Variants in CFDP1 observed in about 807,000 individuals in gnomAD.
CFDP1 encodes chromatin remodeling protein CFDP1, also known as heterochromatin-stabilizing protein CFDP1.
CFDP1 carries 31 observed loss-of-function variants against 40.1 expected under a neutral mutation model. The observed-to-expected ratio is 0.77, with a 90% CI of 0.58 to 1.04. The LOEUF is 1.04. Among genes scored for constraint, CFDP1 ranks in the 50% least tolerant of loss-of-function variants. CFDP1 has a pLI of 0.00. For synonymous variants in CFDP1, 167 were observed against 120.0 expected (o/e 1.39, Z -2.56); for missense variants, 423 against 343.4 (o/e 1.23, Z -1.83).
chr16:75,320,170 T>C (rs899353377), intron 5 of CFDP1, among the ~76,000 whole-genome samples: 1 of 152,190 alleles, frequency 6.6e-6, no homozygotes, highest in Admixed American at 6.5e-5. Context: ...TTCAGAAATG[T>C]AGTTTGTCCT....
intron 6 of CFDP1, among the ~76,000 whole-genome samples, chr16:75,298,845 T>A (rs1282032408): frequency 1.3e-5 from 2 of 152,200 alleles, no homozygotes; most frequent in Non-Finnish European, 2.9e-5. Flanking sequence ...TGAGGAGTCA[T>A]GAAAATATAT....
chr16:75,313,135 T>G (rs2078305126), intron 5 of CFDP1, among the ~76,000 whole-genome samples: 2 of 152,192 alleles, frequency 1.3e-5, no homozygotes, highest in Non-Finnish European at 2.9e-5. Flanking sequence ...ACGTGTTGTT[T>G]GTGTTTATTA....
chr16:75,315,360 A>AAAAAAAAG (rs1263844123), intron 5 of CFDP1, among the ~76,000 whole-genome samples: 1 of 144,668 alleles, frequency 6.9e-6, no homozygotes. Context: ...AAAAAAAAAA[A>AAAAAAAAG]GAGAAGGGTT....
intron 5 of CFDP1, among the ~76,000 whole-genome samples, chr16:75,328,905 A>G (rs1156372189): frequency 1.4e-5 from 2 of 144,782 alleles, no homozygotes; most frequent in Non-Finnish European, 3.0e-5. Context: ...GGAATGCCAC[A>G]GCACAACCTT....
intron 6 of CFDP1, among the ~76,000 whole-genome samples, chr16:75,298,700 C>T (rs902061571): frequency 2.0e-5 from 3 of 152,120 alleles, no homozygotes; most frequent in African/African-American, 7.2e-5. Context: ...AATAGTACAC[C>T]TCCCGCCTTC....
intron 1 of CFDP1, among the ~76,000 whole-genome samples, chr16:75,426,891 C>T (rs960527074): frequency 9.2e-5 from 14 of 151,810 alleles, no homozygotes; most frequent in Non-Finnish European, 1.9e-4. Context: ...CCCATCTCTA[C>T]TGAAAATACA....
intron 5 of CFDP1, among the ~76,000 whole-genome samples, chr16:75,346,864 C>G (rs1262149094): frequency 1.3e-5 from 2 of 151,972 alleles, no homozygotes; most frequent in Admixed American, 6.6e-5. Flanking sequence ...GTCAACAGGA[C>G]TTGCCCACCC....
chr16:75,361,212 T>C lies in CFDP1; in HGVS notation c.650+33878A>G, dbSNP rs181684205. On this transcript the variant is annotated intron_variant, in intron 5 of 6. Transcript: ENST00000283882. Reference sequence around the variant, plus strand: ...TTTTAGTAGCGATGGGGTTTTGCCATGTTGGCCAGGCTGCTCTCGATCTTC... The same window carrying C: ...TTTTAGTAGCGATGGGGTTTTGCCACGTTGGCCAGGCTGCTCTCGATCTTC... Among the ~76,000 whole-genome samples, 119 of 152,286 alleles carry C rather than the reference T, an allele frequency of 7.8e-4. 4 individuals are homozygous for C. In the East Asian group the frequency reaches 0.021, roughly 27 times the overall value.
chr16:75,419,154 C>G (rs976874514), intron 1 of CFDP1: 3 of 312,434 alleles, frequency 9.6e-6, no homozygotes, highest in Admixed American at 3.3e-5. Context: ...GATACAAGAT[C>G]CAGCCTGAAA....
intron 1 of CFDP1, among the ~76,000 whole-genome samples, chr16:75,432,397 A>T (rs1290735679): frequency 4.6e-5 from 6 of 131,654 alleles, no homozygotes; most frequent in Non-Finnish European, 8.5e-5. Context: ...AAAAAAATTT[A>T]AAAAATTAGC....
chr16:75,405,919 CAA>C (rs113081758), intron 4 of CFDP1, among the ~76,000 whole-genome samples: 3 of 115,922 alleles, frequency 2.6e-5, no homozygotes, highest in Admixed American at 8.9e-5. Context: ...ACCCCGTCTC[CAA>C]AAAAAAAAAG....
At chr16:75,339,674 C>T (rs938490938) in intron 5 of CFDP1, among the ~76,000 whole-genome samples, 4 of 152,188 alleles carry the variant, frequency 2.6e-5, no homozygotes, top group African/African-American at 9.7e-5. Flanking sequence ...TTAGGAATTC[C>T]TCAGATTTCT....
At chr16:75,414,298 A>C (rs1277462055) in intron 2 of CFDP1, among the ~76,000 whole-genome samples, 2 of 152,222 alleles carry the variant, frequency 1.3e-5, no homozygotes, top group Non-Finnish European at 2.9e-5. Flanking sequence ...GCAAAGCAAC[A>C]AGGTCTAGGA....
rs546724752 is a variant in CFDP1 at position 75,301,536 on chromosome 16, C to CTTTTTTTTTTTTTTTTTTT, written c.809+3469_809+3487dup. 3.0e-4 allele frequency among the ~76,000 whole-genome samples: 16 copies of CTTTTTTTTTTTTTTTTTTT among 53,966 alleles called. 1 individual carries two copies. Among genetic ancestry groups the CTTTTTTTTTTTTTTTTTTT allele is most frequent in the African/African-American group, 1.1e-3 (16 of 14,506 alleles). 35.4% of individuals were successfully genotyped at this position (53,966 alleles called of 152,430 possible). A position where few individuals can be genotyped will look rare whatever the true frequency, so the allele number is the denominator to read the frequency against. ...TCTCAACATTAGAGTTTTGTTGTGT[C>CTTTTTTTTTTTTTTTTTTT]TTTTTTTTTTTTTTTTTTTTTTTTT... is the stretch of plus-strand genomic sequence containing the variant. On this transcript the variant is annotated intron_variant, in intron 6 of 6. Coordinates refer to ENST00000283882, the MANE Select transcript of CFDP1 (RefSeq NM_006324.3).
chr16:75,424,611 G>A (rs990313260), intron 1 of CFDP1, among the ~76,000 whole-genome samples: 2 of 151,958 alleles, frequency 1.3e-5, no homozygotes, highest in African/African-American at 2.4e-5. Context: ...AAAACTTAGC[G>A]GGCGTGGTGG....
chr16:75,315,306 T>C (rs2078317223), intron 5 of CFDP1, among the ~76,000 whole-genome samples: 1 of 108,002 alleles, frequency 9.3e-6, no homozygotes, highest in Admixed American at 1.5e-4. Context: ...CACACCAGCC[T>C]GGGTGACAGA....
At chr16:75,376,026 C>T (rs577804501) in intron 5 of CFDP1, among the ~76,000 whole-genome samples, 5 of 152,156 alleles carry the variant, frequency 3.3e-5, no homozygotes, top group African/African-American at 1.2e-4. Flanking sequence ...CAGCCTGCAA[C>T]ATGGGGAGAC....
chr16:75,430,165 T>TTTTG (rs200572220), intron 1 of CFDP1, among the ~76,000 whole-genome samples: 59 of 42,052 alleles, frequency 1.4e-3, no homozygotes, highest in Non-Finnish European at 2.1e-3. Flanking sequence ...CAGAGGTTTT[T>TTTTG]TTTGTTTGTT....
intron 5 of CFDP1, among the ~76,000 whole-genome samples, chr16:75,315,934 T>G (rs957177018): frequency 6.6e-5 from 10 of 152,342 alleles, no homozygotes; most frequent in Middle Eastern, 3.4e-3. Context: ...CAAAGTTTCT[T>G]TAGTCTCCTT....
Sources: gnomAD v4.1 joint callset for allele counts (sites outside exome capture counted in the v4.1 genomes callset) on GRCh38, gnomAD v4.1.1 for gene constraint, MANE v1.5 for transcripts, NCBI Gene and HGNC (gene_info 2026-07-23, HGNC 2026-07-21) for gene names.